The following POU2F1 variants were observed in gnomAD, a reference collection of about 807,000 sequenced individuals.
POU2F1 encodes POU domain, class 2, transcription factor 1.
A neutral mutation model predicts 84.9 loss-of-function variants in POU2F1; 16 were observed. The ratio of observed to expected loss-of-function variants is 0.19; its 90% CI spans 0.13 to 0.29. The LOEUF is 0.29. POU2F1 is among the 10% of genes least tolerant of loss of function. The pLI is 1.00. For missense variants in POU2F1, 738 were observed against 942.6 expected, an observed-to-expected ratio of 0.78 and a Z score of 2.84; for synonymous variants, 368 against 368.3, an observed-to-expected ratio of 1.00 and a Z score of 0.01.
intron 1 of POU2F1, among the ~76,000 whole-genome samples, chr1:167,259,716 A>G (rs1413253315): frequency 6.6e-6 from 1 of 152,158 alleles, no homozygotes; most frequent in African/African-American, 2.4e-5. Context: ...ATCAATTTAT[A>G]TTCTTACTAC....
At chr1:167,402,586 A>G (rs1649288017) in intron 13 of POU2F1, among the ~76,000 whole-genome samples, 1 of 152,248 alleles carries the variant, frequency 6.6e-6, no homozygotes, top group African/African-American at 2.4e-5. Context: ...CAAAATAGAC[A>G]TATACACAAT....
intron 1 of POU2F1, among the ~76,000 whole-genome samples, chr1:167,300,699 G>C (rs1377827927): frequency 2.0e-5 from 3 of 152,026 alleles, no homozygotes; most frequent in Admixed American, 1.3e-4. Flanking sequence ...TCTTGACCTC[G>C]TGATCCGCCC....
rs774950110 is a variant in POU2F1 at position 167,398,100 on chromosome 1, C to T, written c.1236C>T (p.Asn412=). 1.2e-6 allele frequency: 2 copies of T among 1,614,124 alleles called. No individual in the cohort carries two copies. Among genetic ancestry groups the T allele is most frequent in the Admixed American group, 1.7e-5 (1 of 60,008 alleles). Residue 412 remains asparagine (N), a synonymous_variant, in exon 11 of 16, where the codon AAC becomes AAT. Coordinates refer to ENST00000367866, the MANE Select transcript of POU2F1 (RefSeq NM_002697.4). ...RRKKRTSIET[N]IRVALEKSFL... ...AGAAACGCACCAGCATAGAGACCAA[C>T]ATCCGTGTGGCCTTAGAGAAGAGTT...
chr1:167,370,792 A>G (rs1659958223), intron 4 of POU2F1, among the ~76,000 whole-genome samples: 1 of 152,224 alleles, frequency 6.6e-6, no homozygotes, highest in South Asian at 2.1e-4. Flanking sequence ...AATAATTGTA[A>G]TTAAACCTGT....
intron 13 of POU2F1, among the ~76,000 whole-genome samples, chr1:167,411,673 T>TA (rs1649977802): frequency 6.6e-6 from 1 of 152,208 alleles, no homozygotes; most frequent in Non-Finnish European, 1.5e-5. Flanking sequence ...ATTCCATAAT[T>TA]AGAGCTTCTA....
chr1:167,268,404 T>C (rs995032374), intron 1 of POU2F1, among the ~76,000 whole-genome samples: 1 of 152,178 alleles, frequency 6.6e-6, no homozygotes, highest in African/African-American at 2.4e-5. Flanking sequence ...TTTGTGTGTC[T>C]GACTCCCCCT....
rs575628847 is a variant in POU2F1, at chr1:167,261,767, C to T, written c.61+40809C>T. Among the ~76,000 whole-genome samples, 10 of 152,306 alleles carry T rather than the reference C, an allele frequency of 6.6e-5. No homozygotes were observed. In the South Asian group the frequency reaches 1.2e-3, roughly 19 times the overall value. On this transcript the variant is annotated intron_variant, in intron 1 of 15. Transcript: ENST00000367866. ...CAATCTTGGCTTGGCTCACTGTAAC[C>T]TTCGCTTCCCAGGTTCAAACGATTC... is the stretch of plus-strand genomic sequence containing the variant.
chr1:167,305,868 G>A (rs896280912), intron 1 of POU2F1, among the ~76,000 whole-genome samples: 1 of 152,196 alleles, frequency 6.6e-6, no homozygotes, highest in Admixed American at 6.5e-5. Flanking sequence ...AAGGGCAGGA[G>A]GGTGGGGCAG....
In POU2F1 at chr1:167,341,298, A is replaced by G. The variant is rs577534834; in HGVS notation, c.127+8763A>G. On this transcript the variant is annotated intron_variant, in intron 2 of 15. Coordinates refer to ENST00000367866, the MANE Select transcript of POU2F1 (RefSeq NM_002697.4). ...AAAGGATATTTAAATATATTTTAAT[A>G]TAAATGTTAATATATTTAATCAGAT... Among the ~76,000 whole-genome samples the G allele has an allele frequency of 5.3e-5, 8 of 152,278 alleles. No individual in the cohort carries two copies. The South Asian group carries it at 1.7e-3, about 32-fold the overall frequency.
At chr1:167,411,609 G>A (rs1649973935) in intron 13 of POU2F1, among the ~76,000 whole-genome samples, 1 of 152,136 alleles carries the variant, frequency 6.6e-6, no homozygotes, top group Admixed American at 6.5e-5. Flanking sequence ...AATGAAAAGA[G>A]CTTTACAGAA....
chr1:167,396,996 A>G (rs1406573914), intron 10 of POU2F1, among the ~76,000 whole-genome samples: 4 of 152,192 alleles, frequency 2.6e-5, no homozygotes, highest in African/African-American at 9.7e-5. Flanking sequence ...TTCTTATTGT[A>G]GATATGAACA....
At chr1:167,271,998 G>A (rs554375225) in intron 1 of POU2F1, among the ~76,000 whole-genome samples, 5 of 152,240 alleles carry the variant, frequency 3.3e-5, no homozygotes, top group African/African-American at 1.2e-4. Context: ...CATTGTCTCT[G>A]TAATATCTAT....
chr1:167,243,551 C>T (rs977585379), intron 1 of POU2F1, among the ~76,000 whole-genome samples: 12 of 152,360 alleles, frequency 7.9e-5, no homozygotes, highest in African/African-American at 2.9e-4. Flanking sequence ...TCTTGGCTCA[C>T]TGCAACCTCT....
chr1:167,236,774 C>A (rs1649489471), intron 1 of POU2F1, among the ~76,000 whole-genome samples: 1 of 152,094 alleles, frequency 6.6e-6, no homozygotes, highest in Non-Finnish European at 1.5e-5. Flanking sequence ...GCACTGTGGT[C>A]CTGGAGAGTC....
At chr1:167,355,080 AATGAT>A (rs1658847086) in intron 2 of POU2F1, among the ~76,000 whole-genome samples, 1 of 151,322 alleles carries the variant, frequency 6.6e-6, no homozygotes, top group East Asian at 1.9e-4. Flanking sequence ...CCAAGGTTAG[AATGAT>A]ATTCTTTTAT....
At chr1:167,391,518 G>T (rs1648396964) in intron 9 of POU2F1, among the ~76,000 whole-genome samples, 2 of 149,524 alleles carry the variant, frequency 1.3e-5, no homozygotes, top group South Asian at 4.2e-4. Flanking sequence ...ATGTACTATG[G>T]GTGTTTTTAA....
chr1:167,281,148 C>G (rs967201324), intron 1 of POU2F1, among the ~76,000 whole-genome samples: 2 of 152,100 alleles, frequency 1.3e-5, no homozygotes, highest in African/African-American at 4.8e-5. Context: ...ATTTATAGAC[C>G]GGTCTTAACT....
chr1:167,248,267 G>A (rs1650483416), intron 1 of POU2F1, among the ~76,000 whole-genome samples: 1 of 152,150 alleles, frequency 6.6e-6, no homozygotes, highest in South Asian at 2.1e-4. Context: ...TGAACTTAAT[G>A]GATGAATTTG....
intron 1 of POU2F1, among the ~76,000 whole-genome samples, chr1:167,275,095 T>C (rs1652636461): frequency 6.8e-6 from 1 of 146,532 alleles, no homozygotes; most frequent in Admixed American, 7.0e-5. Flanking sequence ...CGATCACAGC[T>C]CACGGCACCT....
Sources: gnomAD v4.1 joint callset for allele counts (sites outside exome capture counted in the v4.1 genomes callset) on GRCh38, gnomAD v4.1.1 for gene constraint, MANE v1.5 for transcripts, NCBI Gene and HGNC (gene_info 2026-07-23, HGNC 2026-07-21) for gene names.